The following MAP3K4 variants were observed in gnomAD, a reference collection of about 807,000 sequenced individuals.
The protein encoded by MAP3K4 is mitogen-activated protein kinase kinase kinase 4.
In MAP3K4, 67 loss-of-function variants were observed where a neutral mutation model predicts 185.6. That is an observed-to-expected ratio of 0.36 (90% CI 0.30 to 0.44). The LOEUF is 0.44. MAP3K4 is among the 20% of genes least tolerant of loss of function. MAP3K4 has a pLI of 1.00. For missense variants in MAP3K4, 1,551 were observed against 1,995.1 expected (o/e 0.78, Z 4.24); for synonymous variants, 702 against 710.4 (o/e 0.99, Z 0.19).
intron 2 of MAP3K4, among the ~76,000 whole-genome samples, chr6:161,039,944 G>T (rs1390897556): frequency 6.6e-6 from 1 of 152,110 alleles, no homozygotes; most frequent in Admixed American, 6.5e-5. Context: ...CTATTGCGGG[G>T]AGCATCTCTG....
rs1784160085 is a variant in MAP3K4, at chr6:161,054,703, C to T, written c.1707+4724C>T. The stretch of plus-strand genomic sequence containing the variant: ...AACAAATGGATTAGTTTCCAGAGTC[C>T]ACTTGAATAGGCAGTTGTTTGGGAT... On this transcript the variant is annotated intron_variant, in intron 3 of 26. Coordinates refer to ENST00000392142, the MANE Select transcript of MAP3K4 (RefSeq NM_005922.4). This position sits in a 1 kb window ranked among gnomAD's most constrained non-coding sequence, Gnocchi z 4.2. 6.6e-6 allele frequency among the ~76,000 whole-genome samples: 1 copy of T among 152,114 alleles called. No homozygotes were observed. The highest frequency in any genetic ancestry group is 2.1e-4 in the South Asian group (1 of 4,822).
In MAP3K4 at chr6:161,090,429, C is replaced by A. The variant is rs113827882; in HGVS notation, c.2974-950C>A. 9.6e-4 allele frequency among the ~76,000 whole-genome samples: 145 copies of A among 151,202 alleles called. 1 individual carries two copies. Among genetic ancestry groups the A allele is most frequent in the African/African-American group, 3.3e-3 (135 of 40,934 alleles). The stretch of plus-strand genomic sequence containing the variant: ...GTAACTCTTGGTCGTGGAGGGCCGT[C>A]CTGCGCATTGTAGGATGTTTAGAGC... On this transcript the variant is annotated intron_variant, in intron 11 of 26. Transcript: ENST00000392142.
intron 6 of MAP3K4, among the ~76,000 whole-genome samples, chr6:161,083,518 T>C (rs970221630): frequency 1.3e-5 from 2 of 152,222 alleles, no homozygotes; most frequent in African/African-American, 2.4e-5. Context: ...GCCAAACTAA[T>C]GAGCATGACA....
rs1036996287 is a variant in MAP3K4 at position 161,022,918 on chromosome 6, T to C, written c.153-11341T>C. 1.3e-5 allele frequency among the ~76,000 whole-genome samples: 2 copies of C among 152,210 alleles called. No individual in the cohort carries two copies. The highest frequency in any genetic ancestry group is 2.9e-5 in the Non-Finnish European group (2 of 68,040). Reference sequence around the variant, plus strand: ...ACTCCGTGCCTAACGGTAGCAATTATACTGTTACAGTGAAAATTCTTCATA... The same window carrying C: ...ACTCCGTGCCTAACGGTAGCAATTACACTGTTACAGTGAAAATTCTTCATA... On this transcript the variant is annotated intron_variant, in intron 1 of 26. Transcript: ENST00000392142. This position sits in a 1 kb window ranked among gnomAD's most constrained non-coding sequence, Gnocchi z 4.2.
chr6:161,053,737 G>C lies in MAP3K4; in HGVS notation c.1707+3758G>C, dbSNP rs578214587. ...CTCTTGAGTAGCTGGGATTACAAGC[G>C]TGCACCACCATGCCTGGCTAATTTT... On this transcript the variant is annotated intron_variant, in intron 3 of 26. Transcript: ENST00000392142. This position sits in a 1 kb window ranked among gnomAD's most constrained non-coding sequence, Gnocchi z 4.2. 1.3e-5 allele frequency among the ~76,000 whole-genome samples: 2 copies of C among 151,750 alleles called. No homozygotes were observed. The highest frequency in any genetic ancestry group is 4.8e-5 in the African/African-American group (2 of 41,292).
intron 1 of MAP3K4, among the ~76,000 whole-genome samples, chr6:161,027,514 C>A (rs753166655): frequency 2.0e-5 from 3 of 152,094 alleles, no homozygotes; most frequent in African/African-American, 7.2e-5. Context: ...CCAGAAAAAT[C>A]GCTCTACAAA....
intron 18 of MAP3K4, among the ~76,000 whole-genome samples, chr6:161,102,469 G>A (rs908438620): frequency 2.0e-5 from 3 of 152,004 alleles, no homozygotes; most frequent in African/African-American, 4.8e-5. Context: ...TCTGTTACTC[G>A]TGAAAAGATG....
At position 161,064,837 on chromosome 6, in the gene MAP3K4, A is replaced by G. The variant is rs528463528; in HGVS notation, c.1708-5771A>G. Among the ~76,000 whole-genome samples the G allele has an allele frequency of 2.0e-5, 3 of 152,312 alleles. No homozygotes were observed. Among genetic ancestry groups the G allele is most frequent in the Admixed American group, 6.5e-5 (1 of 15,292 alleles). ...GTTCTGGAGGGTACACGGCACGCCT[A>G]CAGGCCGCTCATGCAGAGGTCAGGA... On this transcript the variant is annotated intron_variant, in intron 3 of 26. Transcript: ENST00000392142. This position sits in a 1 kb window ranked among gnomAD's most constrained non-coding sequence, Gnocchi z 4.3.
rs1308504057 is a variant in MAP3K4, at chr6:161,049,105, A to G, written c.833A>G (p.Asn278Ser). The G allele has an allele frequency of 2.5e-6, 4 of 1,614,058 alleles. No homozygotes were observed. The highest frequency in any genetic ancestry group is 2.5e-6 in the Non-Finnish European group (3 of 1,180,038). Reference sequence around the variant, plus strand: ...GCCTGGCATGCAGGACGGACAATTAACGACCAGGACTTCTTTTTATATACA... The same window carrying G: ...GCCTGGCATGCAGGACGGACAATTAGCGACCAGGACTTCTTTTTATATACA... Reference protein sequence around the residue: ...LQAWHAGRTINDQDFFLYTAR... With the variant: ...LQAWHAGRTISDQDFFLYTAR... Residue 278 changes from asparagine to serine, a missense_variant, in exon 3 of 27, where the codon AAC becomes AGC. Asn to Ser is a conservative substitution (Grantham distance 46). Transcript: ENST00000392142. This position sits in a 1 kb window ranked among gnomAD's most constrained non-coding sequence, Gnocchi z 8.4.
In MAP3K4 at chr6:161,086,678, C is replaced by T. The variant is rs746362575; in HGVS notation, c.2556+11C>T. On this transcript the variant is annotated intron_variant, in intron 9 of 26. Coordinates refer to ENST00000392142, the MANE Select transcript of MAP3K4 (RefSeq NM_005922.4). The surrounding 1 kb of genome is among the most constrained non-coding windows in gnomAD (Gnocchi z 4.8). ...AAACAGTATGTCAAGGTAAGTACTTCAAATGTTGTGATTGAAACATTTTGC... is the reference window on the plus strand; with the variant it reads ...AAACAGTATGTCAAGGTAAGTACTTTAAATGTTGTGATTGAAACATTTTGC... 2.5e-6 allele frequency: 4 copies of T among 1,598,572 alleles called. No individual in the cohort carries two copies. Among genetic ancestry groups the T allele is most frequent in the South Asian group, 1.1e-5 (1 of 87,566 alleles).
chr6:161,081,780 C>T (rs1785471597), intron 6 of MAP3K4, among the ~76,000 whole-genome samples: 4 of 152,180 alleles, frequency 2.6e-5, no homozygotes, highest in Admixed American at 2.6e-4. Flanking sequence ...GGATCAGTGT[C>T]CTTCTGTGCT....
Position 161,001,470 on chromosome 6 carries a change from C to T in MAP3K4, c.152+9387C>T, listed in dbSNP as rs542288201. Among the ~76,000 whole-genome samples, 15 of 152,218 alleles carry T rather than the reference C, an allele frequency of 9.9e-5. No homozygotes were observed. In the East Asian group the frequency reaches 2.9e-3, roughly 29 times the overall value. Reference sequence around the variant, plus strand: ...CGCTTCCCCCCAGAATAGATGAGATCCTTCTGTTATGTGTCCTCAGAGCCC... The same window carrying T: ...CGCTTCCCCCCAGAATAGATGAGATTCTTCTGTTATGTGTCCTCAGAGCCC... On this transcript the variant is annotated intron_variant, in intron 1 of 26. Transcript: ENST00000392142.
Position 160,992,012 on chromosome 6 carries a change from A to ACCGCCG in MAP3K4, c.90_95dup (p.Pro35_Pro36dup), listed in dbSNP as rs569609736. 14 of 1,539,728 alleles carry ACCGCCG rather than the reference A, an allele frequency of 9.1e-6. No individual in the cohort carries two copies. Among genetic ancestry groups the ACCGCCG allele is most frequent in the South Asian group, 2.4e-5 (2 of 84,234 alleles). ...CCGCCGCCATGGAGGAGCCGCCGCC[A>ACCGCCG]CCGCCGCCGCCGCCACCACCGCCAC... is the stretch of plus-strand genomic sequence containing the variant. On this transcript the variant is annotated inframe_insertion, in exon 1 of 27. Transcript: ENST00000392142.
chr6:161,032,249 C>T (rs887292091), intron 1 of MAP3K4, among the ~76,000 whole-genome samples: 3 of 152,148 alleles, frequency 2.0e-5, no homozygotes, highest in Non-Finnish European at 4.4e-5. Flanking sequence ...GCTTCCAGGC[C>T]TACACCATGC....
chr6:160,991,828 G>A lies in MAP3K4; in HGVS notation c.-104G>A, dbSNP rs1034960767. On this transcript the variant is annotated 5_prime_UTR_variant, in exon 1 of 27. An upstream open reading frame in the 5' UTR loses its in-frame stop. Transcript: ENST00000392142. This position sits in a 1 kb window ranked among gnomAD's most constrained non-coding sequence, Gnocchi z 5.7. ...CGCGCACGGCTCCTGCGGCGGGGTAGAGGCGGAGGCGGAGTCGAGTCACTC... is the reference window on the plus strand; with the variant it reads ...CGCGCACGGCTCCTGCGGCGGGGTAAAGGCGGAGGCGGAGTCGAGTCACTC... 1.7e-5 allele frequency: 22 copies of A among 1,287,930 alleles called. No individual in the cohort carries two copies. In the Admixed American group the frequency reaches 2.0e-4, roughly 12 times the overall value. 79.8% of individuals were successfully genotyped at this position (1,287,930 alleles called of 1,614,324 possible). A position where few individuals can be genotyped will look rare whatever the true frequency, so the allele number is the denominator to read the frequency against.
Position 161,096,226 on chromosome 6 carries a change from A to G in MAP3K4, c.3428-854A>G, listed in dbSNP as rs1400456383. Among the ~76,000 whole-genome samples the G allele has an allele frequency of 6.6e-6, 1 of 152,124 alleles. No homozygotes were observed. The highest frequency in any genetic ancestry group is 1.5e-5 in the Non-Finnish European group (1 of 68,046). ...GTCTCTCTTGTTTCCCCTTATTAAT[A>G]GGAAACAAAATCATGAAGAAACAGG... On this transcript the variant is annotated intron_variant, in intron 15 of 26. Transcript: ENST00000392142. The surrounding 1 kb of genome is among the most constrained non-coding windows in gnomAD (Gnocchi z 4.9).
Position 161,034,343 on chromosome 6 carries a change from T to A in MAP3K4, c.237T>A (p.Asn79Lys), listed in dbSNP as rs375597916. 1.1e-4 allele frequency: 171 copies of A among 1,613,864 alleles called. No homozygotes were observed. The Middle Eastern group carries it at 2.0e-3, about 19-fold the overall frequency. ...EDFSDETNTENLYGTSPPSTP... is the reference protein window; with the variant it reads ...EDFSDETNTEKLYGTSPPSTP... ...TCTCCGATGAAACAAATACAGAGAATCTTTATGGTACCTCTCCCCCCAGCA... is the reference window on the plus strand; with the variant it reads ...TCTCCGATGAAACAAATACAGAGAAACTTTATGGTACCTCTCCCCCCAGCA... Residue 79 changes from asparagine to lysine, a missense_variant, in exon 2 of 27, where the codon AAT becomes AAA. Around this residue, in one of 16 missense-constraint regions of MAP3K4, gnomAD observed 287 missense variants for 268.8 expected, o/e 1.07. Coordinates refer to ENST00000392142, the MANE Select transcript of MAP3K4 (RefSeq NM_005922.4). This position sits in a 1 kb window ranked among gnomAD's most constrained non-coding sequence, Gnocchi z 4.4.
intron 1 of MAP3K4, among the ~76,000 whole-genome samples, chr6:160,997,792 C>T (rs1391132383): frequency 1.3e-5 from 2 of 152,156 alleles, no homozygotes; most frequent in Non-Finnish European, 2.9e-5. Context: ...TTACAGATGC[C>T]AGGCCATAGG....
In MAP3K4 at chr6:161,108,948, C is replaced by T; in HGVS notation, c.4236+89C>T. On this transcript the variant is annotated intron_variant, in intron 22 of 26. Transcript: ENST00000392142. The surrounding 1 kb of genome is among the most constrained non-coding windows in gnomAD (Gnocchi z 5.7). ...TTCTACATCACAGGTCTTCTCATTT[C>T]AGAGCACAGTAACTTTGCCTAATTC... 1 of 1,610,520 alleles carries T rather than the reference C, an allele frequency of 6.2e-7. No individual in the cohort carries two copies. Among genetic ancestry groups the T allele is most frequent in the South Asian group, 1.1e-5 (1 of 90,808 alleles).
Sources: allele counts gnomAD v4.1 joint callset (sites outside exome capture counted in the v4.1 genomes callset), GRCh38; gene constraint gnomAD v4.1.1; regional missense constraint gnomAD v4.1.1; non-coding constraint Gnocchi (gnomAD v3.1); transcripts MANE v1.5; gene names NCBI Gene and HGNC (gene_info 2026-07-23, HGNC 2026-07-21).